Variants in CTNNA2 observed in about 807,000 individuals in gnomAD.
The protein encoded by CTNNA2 is catenin alpha 2.
Under a neutral mutation model 101.0 loss-of-function variants are expected in CTNNA2, and 42 were observed. The ratio of observed to expected loss-of-function variants is 0.42; its 90% CI spans 0.32 to 0.54. The LOEUF (loss-of-function observed/expected upper bound fraction) is 0.54. CTNNA2 is among the 20% of genes least tolerant of loss of function. The pLI is 0.14. For missense variants in CTNNA2, 871 were observed against 1,223.1 expected, an observed-to-expected ratio of 0.71 and a Z score of 4.29; for synonymous variants, 450 against 456.4, an observed-to-expected ratio of 0.99 and a Z score of 0.18.
At chr2:80,221,378 T>A (rs1708566802) in intron 7 of CTNNA2, among the ~76,000 whole-genome samples, 1 of 152,120 alleles carries the variant, frequency 6.6e-6, no homozygotes, top group African/African-American at 2.4e-5. Context: ...GAGAAGGAAG[T>A]GATATGGGGA....
chr2:80,622,197 A>G (rs1671201275), intron 18 of CTNNA2, among the ~76,000 whole-genome samples: 1 of 151,932 alleles, frequency 6.6e-6, no homozygotes, highest in Admixed American at 6.6e-5. Context: ...GCAGCAAGTG[A>G]GTGAATTGAG....
At chr2:79,620,916 C>T (rs138110078) in intron 1 of CTNNA2, among the ~76,000 whole-genome samples, 2 of 152,258 alleles carry the variant, frequency 1.3e-5, no homozygotes, top group East Asian at 1.9e-4. Context: ...TGACATTGTG[C>T]AGCAGCAAGC....
chr2:79,776,095 G>A (rs1245109808), intron 3 of CTNNA2, among the ~76,000 whole-genome samples: 1 of 152,132 alleles, frequency 6.6e-6, no homozygotes, highest in African/African-American at 2.4e-5. Context: ...TATTCAAACA[G>A]ACAGCAAAGA....
intron 9 of CTNNA2, among the ~76,000 whole-genome samples, chr2:80,521,870 T>C (rs1052338493): frequency 2.0e-5 from 3 of 152,168 alleles, no homozygotes; most frequent in Non-Finnish European, 4.4e-5. Context: ...ATTAACACAC[T>C]AAATAACTAA....
intron 4 of CTNNA2, among the ~76,000 whole-genome samples, chr2:79,385,941 C>T (rs1428810959): frequency 6.6e-6 from 1 of 152,120 alleles, no homozygotes; most frequent in Non-Finnish European, 1.5e-5. Flanking sequence ...CATTGATGGG[C>T]ATTTGGGTTA....
chr2:80,469,914 C>T (rs1685154965), intron 9 of CTNNA2, among the ~76,000 whole-genome samples: 1 of 152,124 alleles, frequency 6.6e-6, no homozygotes, highest in African/African-American at 2.4e-5. Flanking sequence ...TTGCAATGGC[C>T]ATGTCAATAT....
Position 79,290,814 on chromosome 2 carries a change from C to G in CTNNA2, c.-405-21895C>G, listed in dbSNP as rs146405956. ...AAAACCTTGCACTTATTCTCCAAGCCCATGTGTGATCCAAATCTTCTGGTA... is the reference window on the plus strand; with the variant it reads ...AAAACCTTGCACTTATTCTCCAAGCGCATGTGTGATCCAAATCTTCTGGTA... On this transcript the variant is annotated intron_variant, in intron 2 of 21. Coordinates refer to the CTNNA2 transcript ENST00000466387. 2.9e-3 allele frequency among the ~76,000 whole-genome samples: 448 copies of G among 152,240 alleles called. 3 individuals carry two copies. The highest frequency in any genetic ancestry group is 0.01 in the African/African-American group (422 of 41,546).
chr2:80,643,573 A>T (rs945546230), intron 18 of CTNNA2, among the ~76,000 whole-genome samples: 3 of 152,166 alleles, frequency 2.0e-5, no homozygotes, highest in Non-Finnish European at 4.4e-5. Flanking sequence ...GAAAAGATGG[A>T]TATGTCTTTC....
At chr2:79,404,430 C>T (rs1253080452) in intron 4 of CTNNA2, among the ~76,000 whole-genome samples, 1 of 151,994 alleles carries the variant, frequency 6.6e-6, no homozygotes, top group Non-Finnish European at 1.5e-5. Flanking sequence ...TCCTGTTATT[C>T]TTTGCTTTTG....
intron 7 of CTNNA2, among the ~76,000 whole-genome samples, chr2:80,329,986 A>C (rs1170463936): frequency 7.9e-5 from 12 of 152,224 alleles, no homozygotes; most frequent in Non-Finnish European, 2.9e-5. Flanking sequence ...TGGCATTTTC[A>C]AGGTGCCCTG....
intron 12 of CTNNA2, among the ~76,000 whole-genome samples, chr2:80,570,543 G>GA (rs1181651157): frequency 2.0e-5 from 3 of 152,006 alleles, no homozygotes; most frequent in Non-Finnish European, 2.9e-5. Context: ...TTATGGTAAG[G>GA]AAAAAAATAG....
At position 80,582,391 on chromosome 2, in the gene CTNNA2, G is replaced by T. The variant is rs774819023; in HGVS notation, c.2007+572G>T. ...CTCCCATGGTGGTATTCCTAGATCT[G>T]TCTGCCATATGATAGAAAAATAGAG... On this transcript the variant is annotated intron_variant, in intron 14 of 18. Coordinates refer to ENST00000402739, the MANE Select transcript of CTNNA2 (RefSeq NM_001282597.3). Among the ~76,000 whole-genome samples the T allele has an allele frequency of 6.5e-4, 99 of 152,250 alleles. 1 individual carries two copies. The highest frequency in any genetic ancestry group is 6.8e-3 in the Middle Eastern group (2 of 294).
intron 7 of CTNNA2, among the ~76,000 whole-genome samples, chr2:80,363,391 A>C (rs1674613852): frequency 6.6e-6 from 1 of 152,176 alleles, no homozygotes; most frequent in Admixed American, 6.5e-5. Flanking sequence ...ATTAAATTGA[A>C]GATTGAAAGA....
intron 2 of CTNNA2, among the ~76,000 whole-genome samples, chr2:79,663,787 A>T (rs1354753760): frequency 6.6e-6 from 1 of 152,198 alleles, no homozygotes; most frequent in Non-Finnish European, 1.5e-5. Flanking sequence ...TCTCATGTAG[A>T]TAGAAATGAT....
At chr2:79,272,718 C>T (rs1223078899) in intron 2 of CTNNA2, among the ~76,000 whole-genome samples, 1 of 151,968 alleles carries the variant, frequency 6.6e-6, no homozygotes, top group African/African-American at 2.4e-5. Flanking sequence ...TAATTACACC[C>T]ATTTATTTTC....
chr2:79,459,576 C>T (rs74985639), intron 4 of CTNNA2, among the ~76,000 whole-genome samples: 2,980 of 152,140 alleles, frequency 0.02, 95 homozygotes, highest in African/African-American at 0.067. Flanking sequence ...AGGAATGAGA[C>T]ATCAAAAATA....
chr2:79,469,975 A>T (rs983026747), intron 4 of CTNNA2, among the ~76,000 whole-genome samples: 4 of 152,222 alleles, frequency 2.6e-5, no homozygotes, highest in Non-Finnish European at 4.4e-5. Flanking sequence ...GGCACAAGAC[A>T]GGGATGCCCT....
At chr2:79,590,521 AT>A (rs1481933492) in intron 1 of CTNNA2, among the ~76,000 whole-genome samples, 1 of 152,196 alleles carries the variant, frequency 6.6e-6, no homozygotes, top group African/African-American at 2.4e-5. Context: ...GGGTTAAAAA[AT>A]ATCCTTCCTT....
intron 7 of CTNNA2, among the ~76,000 whole-genome samples, chr2:80,234,759 T>C (rs1709454314): frequency 6.6e-6 from 1 of 151,390 alleles, no homozygotes; most frequent in Admixed American, 6.6e-5. Context: ...AGAAATATTA[T>C]GAAGACAGGG....
Sources: gnomAD v4.1 joint callset for allele counts (sites outside exome capture counted in the v4.1 genomes callset) on GRCh38, gnomAD v4.1.1 for gene constraint, MANE v1.5 for transcripts, NCBI Gene and HGNC (gene_info 2026-07-23, HGNC 2026-07-21) for gene names.